CD46: variants seen among roughly 807,000 people sequenced by gnomAD.
CD46 encodes the protein membrane cofactor protein.
CD46 carries 30 observed loss-of-function variants against 53.3 expected under a neutral mutation model. The observed-to-expected ratio is 0.56, with a 90% CI of 0.42 to 0.76. CD46 has a LOEUF of 0.76. Among genes scored for constraint, CD46 ranks in the 30% least tolerant of loss-of-function variants. The probability of loss-of-function intolerance (pLI) is 0.00; values close to 1 mark genes in which losing one functional copy is unlikely to be tolerated. For missense variants in CD46, 409 were observed against 463.0 expected, an observed-to-expected ratio of 0.88 and a Z score of 1.07; for synonymous variants, 142 against 152.0, an observed-to-expected ratio of 0.93 and a Z score of 0.48.
intron 12 of CD46, among the ~76,000 whole-genome samples, chr1:207,793,209 G>T (rs1393803233): frequency 6.6e-6 from 1 of 152,132 alleles, no homozygotes; most frequent in African/African-American, 2.4e-5. Context: ...GAAAGCATGC[G>T]TTTGTCTCCA....
At chr1:207,784,663 C>T (rs940063133) in intron 9 of CD46, among the ~76,000 whole-genome samples, 4 of 152,088 alleles carry the variant, frequency 2.6e-5, no homozygotes, top group African/African-American at 4.8e-5. Context: ...AGTCTGAGAC[C>T]GGGTAATTTA....
chr1:207,767,906 G>T lies in CD46; in HGVS notation c.901+83G>T. The T allele has an allele frequency of 6.2e-6, 7 of 1,121,834 alleles. No individual in the cohort carries two copies. The South Asian group carries it at 8.8e-5, about 14-fold the overall frequency. The allele number at this position is 1,121,834 out of a possible 1,614,324, so 69.5% of individuals were successfully genotyped here. A position where few individuals can be genotyped will look rare whatever the true frequency, so the allele number is the denominator to read the frequency against. On this transcript the variant is annotated intron_variant, in intron 7 of 12. Coordinates refer to ENST00000367042, the MANE Select transcript of CD46 (RefSeq NM_172351.3). ...TTATAAAATCCTTCAAATTTCTGGT[G>T]ATGTTCACTTATTTTTAGTAATGAA...
intron 5 of CD46, 48 bp downstream of exon 5, chr1:207,761,494 C>A: frequency 6.8e-7 from 1 of 1,476,234 alleles, no homozygotes; most frequent in Non-Finnish European, 9.5e-7. Context: ...ACTATGGAAA[C>A]ATTTTGTAAA....
chr1:207,777,952 T>C (rs1164878359), intron 8 of CD46, among the ~76,000 whole-genome samples: 1 of 152,150 alleles, frequency 6.6e-6, no homozygotes, highest in African/African-American at 2.4e-5. Flanking sequence ...CAGCATCTAT[T>C]ATTTTTTGAC....
chr1:207,789,870 GAAAAAAAAAAAAAAA>G (rs150136290), intron 11 of CD46, among the ~76,000 whole-genome samples: 8 of 43,348 alleles, frequency 1.8e-4, no homozygotes, highest in African/African-American at 6.4e-4. Context: ...GCTGTGTCTT[GAAAAAAAAAAAAAAA>G]AAAAAAAAAA....
chr1:207,790,853 T>C (rs530004893), intron 12 of CD46, among the ~76,000 whole-genome samples: 9 of 152,342 alleles, frequency 5.9e-5, no homozygotes, highest in African/African-American at 1.9e-4. Context: ...GTCCTCAGAT[T>C]TTGAAAAGTA....
In CD46 at chr1:207,752,951, G is replaced by C. The variant is rs770137530; in HGVS notation, c.97+642G>C. 1.3e-5 allele frequency among the ~76,000 whole-genome samples: 2 copies of C among 152,076 alleles called. No individual in the cohort carries two copies. Among genetic ancestry groups the C allele is most frequent in the African/African-American group, 4.8e-5 (2 of 41,374 alleles). Reference sequence around the variant, plus strand: ...TCTGGGGCTAGGGAGGGCATGTTGAGTGAGAGCAGGCTCTCGGTGCCTGGG... The same window carrying C: ...TCTGGGGCTAGGGAGGGCATGTTGACTGAGAGCAGGCTCTCGGTGCCTGGG... On this transcript the variant is annotated intron_variant, in intron 1 of 12. Transcript: ENST00000367042. The surrounding 1 kb of genome is among the most constrained non-coding windows in gnomAD (Gnocchi z 4.1).
At chr1:207,782,091 A>AT (rs990794710) in intron 8 of CD46, among the ~76,000 whole-genome samples, 13 of 152,010 alleles carry the variant, frequency 8.6e-5, no homozygotes, top group East Asian at 3.9e-4. Context: ...TATATCTTTA[A>AT]TTTTTTTTAG....
chr1:207,760,862 C>G (rs1571592539), intron 4 of CD46: 1 of 198,480 alleles, frequency 5.0e-6, no homozygotes, highest in African/African-American at 2.4e-5. Context: ...CCCAAGCACT[C>G]AGTATCACGA....
chr1:207,753,329 C>A (rs1358424669), intron 1 of CD46, among the ~76,000 whole-genome samples: 1 of 152,192 alleles, frequency 6.6e-6, no homozygotes, highest in Non-Finnish European at 1.5e-5. Context: ...AAGGCCTATC[C>A]CACTAAATTT....
Position 207,786,097 on chromosome 1 carries a change from G to C in CD46, c.1082+415G>C, listed in dbSNP as rs77931526. 1.8e-3 allele frequency: 334 copies of C among 182,412 alleles called. 6 individuals carry two copies. In the East Asian group the frequency reaches 0.028, roughly 15 times the overall value. The allele number at this position is 182,412 out of a possible 1,614,324, so 11.3% of individuals were successfully genotyped here. ...ATTCACTGGAATTTTTATAATGAAA[G>C]TTTCCACTTGTCTATATAGCTTAGC... On this transcript the variant is annotated intron_variant, in intron 11 of 12. Transcript: ENST00000367042.
At chr1:207,757,492 A>G (rs375246466) in intron 2 of CD46, 48 bp from the exon 3 acceptor site, 26 of 1,216,138 alleles carry the variant, frequency 2.1e-5, no homozygotes, top group Non-Finnish European at 3.1e-5. Flanking sequence ...TTTGATTCAG[A>G]TCTGTTTTAT....
rs774828839 is a variant in CD46, at chr1:207,752,242, C to G, written c.30C>G (p.Pro10=). The change falls in exon 1 of 13, where the codon CCC becomes CCG. Residue 10 remains proline, a synonymous_variant. Coordinates refer to ENST00000367042, the MANE Select transcript of CD46 (RefSeq NM_172351.3). This position sits in a 1 kb window ranked among gnomAD's most constrained non-coding sequence, Gnocchi z 4.1. ...AGCCTCCCGGCCGCCGCGAGTGTCC[C>G]TTTCCTTCCTGGCGCTTTCCTGGGT... MEPPGRREC[P]FPSWRFPGLL... The G allele has an allele frequency of 3.8e-5, 62 of 1,613,994 alleles. No individual in the cohort carries two copies. Among genetic ancestry groups the G allele is most frequent in the Middle Eastern group, 1.6e-4 (1 of 6,084 alleles).
At chr1:207,785,173 T>C (rs1028111884) in intron 10 of CD46, 67 bp downstream of exon 10, 61 of 1,260,322 alleles carry the variant, frequency 4.8e-5, no homozygotes, top group Non-Finnish European at 3.1e-5. Context: ...ATTTTAAAAA[T>C]AGTTTTTCAG....
intron 11 of CD46, among the ~76,000 whole-genome samples, chr1:207,786,399 A>G (rs1286417596): frequency 1.3e-5 from 2 of 152,204 alleles, no homozygotes; most frequent in African/African-American, 4.8e-5. Context: ...AGAAAAATGT[A>G]CAAGTACATA....
At chr1:207,765,798 C>T (rs1009743863) in intron 5 of CD46, among the ~76,000 whole-genome samples, 2 of 152,150 alleles carry the variant, frequency 1.3e-5, no homozygotes, top group African/African-American at 4.8e-5. Context: ...TCTTATCATA[C>T]AACTCGGCAA....
chr1:207,775,645 T>C (rs1315663117), intron 8 of CD46, among the ~76,000 whole-genome samples: 2 of 152,244 alleles, frequency 1.3e-5, no homozygotes, highest in Non-Finnish European at 2.9e-5. Flanking sequence ...TGGAGTTTGC[T>C]GGAGGTCCAC....
At chr1:207,789,064 G>A (rs1186418154) in intron 11 of CD46, among the ~76,000 whole-genome samples, 1 of 152,106 alleles carries the variant, frequency 6.6e-6, no homozygotes, top group Non-Finnish European at 1.5e-5. Flanking sequence ...CTTTGCTACT[G>A]CTTCAGTCCT....
intron 4 of CD46, 74 bp from the exon 5 acceptor site, chr1:207,761,175 T>C (rs867057229): frequency 6.4e-6 from 6 of 938,388 alleles, no homozygotes; most frequent in South Asian, 1.4e-5. Flanking sequence ...GACAAATTTA[T>C]TGAAGACACA....
Sources: allele counts gnomAD v4.1 joint callset (sites outside exome capture counted in the v4.1 genomes callset), GRCh38; gene constraint gnomAD v4.1.1; non-coding constraint Gnocchi (gnomAD v3.1); transcripts MANE v1.5; gene names NCBI Gene and HGNC (gene_info 2026-07-23, HGNC 2026-07-21).